ACVR1: variants seen among roughly 807,000 people sequenced by gnomAD.
ACVR1 encodes the protein activin A receptor type 1, also known as activin receptor type-1.
Under a neutral mutation model 57.1 loss-of-function variants are expected in ACVR1, and 38 were observed. The observed-to-expected ratio is 0.67, with a 90% confidence interval of 0.51 to 0.87. ACVR1 has a LOEUF of 0.87. Ranked by LOEUF, ACVR1 falls within the 40% of genes least tolerant of loss-of-function variation. The pLI is 0.00. For missense variants in ACVR1, 463 were observed against 638.2 expected (o/e 0.73, Z 2.96); for synonymous variants, 212 against 228.1 (o/e 0.93, Z 0.63).
At chr2:157,857,622 T>C (rs1689580812) in intron 1 of ACVR1, among the ~76,000 whole-genome samples, 1 of 152,202 alleles carries the variant, frequency 6.6e-6, no homozygotes, top group Non-Finnish European at 1.5e-5. Flanking sequence ...AAGAGGATCA[T>C]GTAAAATGCA....
At chr2:157,840,520 G>A (rs1688940278) in intron 1 of ACVR1, among the ~76,000 whole-genome samples, 1 of 151,984 alleles carries the variant, frequency 6.6e-6, no homozygotes, top group African/African-American at 2.4e-5. Context: ...AGCTAAAAGT[G>A]CAAAGTGTCA....
chr2:157,753,453 G>C (rs1014543239), intron 9 of ACVR1, among the ~76,000 whole-genome samples: 1 of 152,088 alleles, frequency 6.6e-6, no homozygotes, highest in Non-Finnish European at 1.5e-5. Flanking sequence ...GCTTGAATCT[G>C]GGAGGTGGAG....
At position 157,774,150 on chromosome 2, in the gene ACVR1, G is replaced by C; in HGVS notation, c.581C>G (p.Ser194Cys). The C allele has an allele frequency of 1.2e-6, 2 of 1,614,108 alleles. No homozygotes were observed. The highest frequency in any genetic ancestry group is 1.7e-6 in the Non-Finnish European group (2 of 1,179,978). The change falls in exon 6 of 11, where the codon TCT (serine) becomes TGT (cysteine). Residue 194 changes from serine (S) to cysteine (C), a missense_variant. Around this residue, in one of 3 missense-constraint regions of ACVR1, gnomAD observed 114 missense variants for 216.2 expected, o/e 0.53. Transcript: ENST00000434821. ...LDHSCTSGSG[S>C]GLPFLVQRTV... ...TCTTTGTACCAGAAAAGGAAGACCA[G>C]AGCCACTTCCTGATGTACACGAATG...
intron 3 of ACVR1, chr2:157,790,053 CT>C (rs1018003433): frequency 1.3e-5 from 2 of 151,876 alleles, no homozygotes; most frequent in East Asian, 1.9e-4. Context: ...AAGCCTGCTG[CT>C]TTTTTTTTCT....
Position 157,778,215 on chromosome 2 carries a change from G to T in ACVR1, c.459C>A (p.Asn153Lys). Residue 153 changes from asparagine (N) to lysine (K), a missense_variant, in exon 5 of 11, where the codon AAC (asparagine) becomes AAA (lysine). Coordinates refer to ENST00000434821, the MANE Select transcript of ACVR1 (RefSeq NM_001111067.4). The stretch of plus-strand genomic sequence containing the variant: ...CGTCTCGGGGATTGAGGCGTTCTTG[G>T]TTGCGCCTTTTAAATTTTCGGAGAG... Reference protein sequence around the residue: ...GVALRKFKRRNQERLNPRDVE... With the variant: ...GVALRKFKRRKQERLNPRDVE... The T allele has an allele frequency of 6.2e-7, 1 of 1,614,044 alleles. No homozygotes were observed. Among genetic ancestry groups the T allele is most frequent in the Non-Finnish European group, 8.5e-7 (1 of 1,180,002 alleles).
chr2:157,844,794 G>C (rs367567928), intron 1 of ACVR1, among the ~76,000 whole-genome samples: 12 of 152,056 alleles, frequency 7.9e-5, no homozygotes, highest in Admixed American at 2.0e-4. Context: ...TATTAAGAGG[G>C]GGGGAGCCTT....
At chr2:157,767,656 C>T (rs77177906) in intron 7 of ACVR1, among the ~76,000 whole-genome samples, 3,132 of 152,072 alleles carry the variant, frequency 0.021, 37 homozygotes, top group African/African-American at 0.039. Context: ...ATTTATGTCA[C>T]TTTCACATAT....
At chr2:157,800,847 A>G (rs1362763172) in intron 2 of ACVR1, among the ~76,000 whole-genome samples, 1 of 152,030 alleles carries the variant, frequency 6.6e-6, no homozygotes, top group Non-Finnish European at 1.5e-5. Flanking sequence ...TTGGACATGA[A>G]TATGCTTTTT....
intron 9 of ACVR1, among the ~76,000 whole-genome samples, chr2:157,752,931 G>C (rs767888444): frequency 1.3e-5 from 2 of 152,124 alleles, no homozygotes; most frequent in African/African-American, 2.4e-5. Flanking sequence ...GCAACAGATA[G>C]CATGATGAAT....
Position 157,794,490 on chromosome 2 carries a change from T to C in ACVR1, c.67+4937A>G, listed in dbSNP as rs571073543. ...ATTCTAGCATGCACCAGACATAATA[T>C]GAATGTGGATGTAGCTAATTTAGGG... On this transcript the variant is annotated intron_variant, in intron 3 of 10. Coordinates refer to ENST00000434821, the MANE Select transcript of ACVR1 (RefSeq NM_001111067.4). Among the ~76,000 whole-genome samples the C allele has an allele frequency of 4.6e-5, 7 of 152,116 alleles. No homozygotes were observed. In the East Asian group the frequency reaches 1.2e-3, roughly 25 times the overall value.
chr2:157,863,011 CTTTTTTTTTTTTTTTTTTT>C (rs374223805), intron 1 of ACVR1, among the ~76,000 whole-genome samples: 1 of 62,290 alleles, frequency 1.6e-5, no homozygotes, highest in Non-Finnish European at 2.7e-5. Flanking sequence ...AGAACATTTA[CTTTTTTTTTTTTTTTTTTT>C]TTTTTTTTTT....
chr2:157,742,975 T>C (rs999730833), intron 9 of ACVR1, among the ~76,000 whole-genome samples: 1 of 152,082 alleles, frequency 6.6e-6, no homozygotes, highest in Non-Finnish European at 1.5e-5. Flanking sequence ...TCTGCATGTT[T>C]TCCATCAGTG....
intron 9 of ACVR1, among the ~76,000 whole-genome samples, chr2:157,748,298 C>T (rs981672370): frequency 5.3e-5 from 8 of 152,166 alleles, no homozygotes; most frequent in Admixed American, 2.0e-4. Flanking sequence ...GCTGGAAATG[C>T]TACTGTCTAG....
At chr2:157,789,780 C>A (rs1411738995) in intron 3 of ACVR1, among the ~76,000 whole-genome samples, 2 of 152,174 alleles carry the variant, frequency 1.3e-5, no homozygotes, top group Non-Finnish European at 2.9e-5. Flanking sequence ...GTAGAAATGA[C>A]TAACAATCAC....
intron 3 of ACVR1, among the ~76,000 whole-genome samples, chr2:157,798,755 T>G (rs1208766753): frequency 6.6e-6 from 1 of 152,028 alleles, no homozygotes; most frequent in Non-Finnish European, 1.5e-5. Context: ...CTCGAACTCT[T>G]GACCTCAAGT....
At position 157,736,540 on chromosome 2, in the gene ACVR1, T is replaced by G; in HGVS notation, c.*991A>C. 1 of 268,244 alleles carries G rather than the reference T, an allele frequency of 3.7e-6. No individual in the cohort carries two copies. Among genetic ancestry groups the G allele is most frequent in the Non-Finnish European group, 6.9e-6 (1 of 144,450 alleles). 16.6% of individuals were successfully genotyped at this position (268,244 alleles called of 1,614,324 possible). A position where few individuals can be genotyped will look rare whatever the true frequency, so the allele number is the denominator to read the frequency against. ...ATAGTTATTTTTTTCTGGCAGAGTT[T>G]AAATGCACGTAATGGATAATTCTGA... On this transcript the variant is annotated 3_prime_UTR_variant, in exon 11 of 11. Coordinates refer to ENST00000434821, the MANE Select transcript of ACVR1 (RefSeq NM_001111067.4).
chr2:157,863,459 G>T (rs1270673462), intron 1 of ACVR1, among the ~76,000 whole-genome samples: 7 of 140,826 alleles, frequency 5.0e-5, no homozygotes, highest in Non-Finnish European at 9.1e-5. Context: ...CACTTTGGGA[G>T]GCCGAGGCCA....
chr2:157,767,961 G>A (rs986299658), intron 7 of ACVR1, among the ~76,000 whole-genome samples: 19 of 152,148 alleles, frequency 1.2e-4, no homozygotes, highest in Non-Finnish European at 2.9e-5. Flanking sequence ...ACCACATGAA[G>A]TAAGTAGATC....
chr2:157,860,943 A>G (rs1689696555), intron 1 of ACVR1, among the ~76,000 whole-genome samples: 1 of 152,166 alleles, frequency 6.6e-6, no homozygotes, highest in African/African-American at 2.4e-5. Context: ...CTGTGTTTCT[A>G]TTGATGCCAT....
Sources: allele counts gnomAD v4.1 joint callset (sites outside exome capture counted in the v4.1 genomes callset), GRCh38; gene constraint gnomAD v4.1.1; regional missense constraint gnomAD v4.1.1; transcripts MANE v1.5; gene names NCBI Gene and HGNC (gene_info 2026-07-23, HGNC 2026-07-21).